Variants in KCNH8 observed in about 807,000 individuals in gnomAD.
KCNH8 encodes voltage-gated delayed rectifier potassium channel KCNH8.
In KCNH8, 70 loss-of-function variants were observed where a neutral mutation model predicts 103.6. That is an observed-to-expected ratio of 0.68 (90% confidence interval 0.56 to 0.82). The LOEUF (loss-of-function observed/expected upper bound fraction) is 0.82. Among genes scored for constraint, KCNH8 ranks in the 40% least tolerant of loss-of-function variants. The pLI is 0.00. For missense variants in KCNH8, 1,217 were observed against 1,329.9 expected (o/e 0.92, Z 1.32); for synonymous variants, 498 against 489.4 (o/e 1.02, Z -0.23).
intron 2 of KCNH8, among the ~76,000 whole-genome samples, chr3:19,268,582 A>G (rs1466282285): frequency 6.6e-6 from 1 of 152,170 alleles, no homozygotes; most frequent in African/African-American, 2.4e-5. Context: ...GGAAAGTCAC[A>G]TGATGAAAAT....
chr3:19,365,197 T>C (rs190625798), intron 5 of KCNH8, among the ~76,000 whole-genome samples: 42 of 152,222 alleles, frequency 2.8e-4, no homozygotes, highest in Admixed American at 5.9e-4. Context: ...TGTGATTTAA[T>C]GTTCCTCTGT....
intron 11 of KCNH8, among the ~76,000 whole-genome samples, chr3:19,479,610 G>A (rs1041785359): frequency 2.6e-5 from 4 of 152,062 alleles, no homozygotes; most frequent in Non-Finnish European, 4.4e-5. Context: ...CACCTGCCAT[G>A]GGTGTTATTT....
At position 19,513,170 on chromosome 3, in the gene KCNH8, G is replaced by A. The variant is rs141916436; in HGVS notation, c.2280G>A (p.Thr760=). ...GLSLKQLASG[T]VPFHSPIRVS... is the part of the protein sequence containing the mutation. ...GCTTAAAGCAACTGGCCTCGGGAAC[G>A]GTGCCCTTTCACTCGCCTATCAGAG... The change falls in exon 13 of 16, where the codon ACG becomes ACA. Residue 760 remains threonine, a synonymous_variant. Coordinates refer to ENST00000328405, the MANE Select transcript of KCNH8 (RefSeq NM_144633.3). 2,905 of 1,613,876 alleles carry A rather than the reference G, an allele frequency of 1.8e-3. 12 individuals carry two copies. Among genetic ancestry groups the A allele is most frequent in the Middle Eastern group, 0.012 (75 of 6,062 alleles).
chr3:19,508,527 C>T (rs1337945101), intron 11 of KCNH8, among the ~76,000 whole-genome samples: 1 of 152,072 alleles, frequency 6.6e-6, no homozygotes, highest in Non-Finnish European at 1.5e-5. Flanking sequence ...TATAGGATCA[C>T]AGTGGGAATT....
intron 8 of KCNH8, among the ~76,000 whole-genome samples, chr3:19,444,749 C>G (rs994397950): frequency 4.7e-5 from 7 of 150,340 alleles, no homozygotes; most frequent in African/African-American, 1.5e-4. Flanking sequence ...TACAAAGGTG[C>G]TCAATGTCAT....
chr3:19,374,639 C>G (rs2066161704), intron 5 of KCNH8, among the ~76,000 whole-genome samples: 1 of 151,664 alleles, frequency 6.6e-6, no homozygotes, highest in Non-Finnish European at 1.5e-5. Flanking sequence ...GAATTCGATC[C>G]TGTCATTATG....
intron 3 of KCNH8, among the ~76,000 whole-genome samples, chr3:19,335,774 C>G (rs371530591): frequency 1.8e-4 from 27 of 151,586 alleles, no homozygotes; most frequent in African/African-American, 6.5e-4. Context: ...GTAATTGACT[C>G]CTGCCCTCAA....
At chr3:19,498,080 C>T (rs779021620) in intron 11 of KCNH8, among the ~76,000 whole-genome samples, 6 of 152,026 alleles carry the variant, frequency 3.9e-5, no homozygotes, top group Non-Finnish European at 5.9e-5. Flanking sequence ...TCCTGTTTTC[C>T]ATTTGCTTGG....
intron 3 of KCNH8, among the ~76,000 whole-genome samples, chr3:19,337,470 T>G (rs2065599306): frequency 6.6e-6 from 1 of 152,066 alleles, no homozygotes; most frequent in Admixed American, 6.6e-5. Flanking sequence ...TTATCCTGCT[T>G]ACTGACCACT....
intron 1 of KCNH8, among the ~76,000 whole-genome samples, chr3:19,219,537 T>A (rs2063851141): frequency 6.6e-6 from 1 of 152,194 alleles, no homozygotes; most frequent in Non-Finnish European, 1.5e-5. Context: ...GTTTGAGAGA[T>A]GCAACCCTTT....
intron 5 of KCNH8, among the ~76,000 whole-genome samples, chr3:19,362,646 T>C (rs2065961740): frequency 6.6e-6 from 1 of 151,992 alleles, no homozygotes; most frequent in Non-Finnish European, 1.5e-5. Context: ...ATTTCCTCAG[T>C]ATTTGTTTTT....
At chr3:19,173,281 C>G (rs1016916911) in intron 1 of KCNH8, among the ~76,000 whole-genome samples, 7 of 152,112 alleles carry the variant, frequency 4.6e-5, no homozygotes, top group Admixed American at 3.3e-4. Flanking sequence ...TCCCTGAGCA[C>G]TGGACCGGCA....
At chr3:19,350,805 A>G (rs1414875074) in intron 5 of KCNH8, among the ~76,000 whole-genome samples, 1 of 152,178 alleles carries the variant, frequency 6.6e-6, no homozygotes, top group East Asian at 1.9e-4. Context: ...TGAAAATTCT[A>G]AAAATCAGAG....
chr3:19,356,113 C>T (rs1270223369), intron 5 of KCNH8, among the ~76,000 whole-genome samples: 3 of 151,636 alleles, frequency 2.0e-5, no homozygotes, highest in Non-Finnish European at 4.4e-5. Context: ...AAACTCCATA[C>T]AAAAGTATAA....
intron 1 of KCNH8, among the ~76,000 whole-genome samples, chr3:19,181,585 TATA>T (rs1203708476): frequency 6.6e-6 from 1 of 152,172 alleles, no homozygotes; most frequent in African/African-American, 2.4e-5. Flanking sequence ...TTTAAGCCAA[TATA>T]ATAACTATAT....
chr3:19,360,014 A>G (rs900220765), intron 5 of KCNH8, among the ~76,000 whole-genome samples: 8 of 152,072 alleles, frequency 5.3e-5, no homozygotes, highest in South Asian at 2.1e-4. Context: ...AGTAAAAAAC[A>G]TACATATAAG....
At chr3:19,341,631 A>G (rs1479489088) in intron 3 of KCNH8, among the ~76,000 whole-genome samples, 1 of 152,150 alleles carries the variant, frequency 6.6e-6, no homozygotes, top group Admixed American at 6.6e-5. Flanking sequence ...TAAAAACACT[A>G]CTTTGATTCT....
intron 7 of KCNH8, among the ~76,000 whole-genome samples, chr3:19,428,022 A>T (rs927726774): frequency 2.0e-5 from 3 of 152,218 alleles, no homozygotes; most frequent in African/African-American, 7.2e-5. Context: ...AGCATATTAA[A>T]AAGTGTAATG....
intron 1 of KCNH8, among the ~76,000 whole-genome samples, chr3:19,175,491 G>A (rs1487609396): frequency 6.6e-6 from 1 of 152,128 alleles, no homozygotes; most frequent in Non-Finnish European, 1.5e-5. Flanking sequence ...TTACAGGCGT[G>A]AGCCCCCGCG....
Sources: gnomAD v4.1 joint callset for allele counts (sites outside exome capture counted in the v4.1 genomes callset) on GRCh38, gnomAD v4.1.1 for gene constraint, MANE v1.5 for transcripts, NCBI Gene and HGNC (gene_info 2026-07-23, HGNC 2026-07-21) for gene names.